CCBE1: variants seen among roughly 807,000 people sequenced by gnomAD.
The protein encoded by CCBE1 is collagen and calcium-binding EGF domain-containing protein 1.
In CCBE1, 37 loss-of-function variants were observed where a neutral mutation model predicts 50.0. That is an observed-to-expected ratio of 0.74 (90% confidence interval 0.57 to 0.97). CCBE1 has a LOEUF of 0.97. Among genes scored for constraint, CCBE1 ranks in the 50% least tolerant of loss-of-function variants. The pLI is 0.00. For synonymous variants in CCBE1, 234 were observed against 203.7 expected (o/e 1.15, Z -1.27); for missense variants, 538 against 523.8 (o/e 1.03, Z -0.26).
At chr18:59,672,226 G>C (rs902788517) in intron 2 of CCBE1, among the ~76,000 whole-genome samples, 5 of 152,168 alleles carry the variant, frequency 3.3e-5, no homozygotes, top group Admixed American at 6.5e-5. Flanking sequence ...TGATCCATGG[G>C]GTGGTGGGTG....
intron 2 of CCBE1, among the ~76,000 whole-genome samples, chr18:59,618,986 A>C (rs966633355): frequency 1.3e-5 from 2 of 152,222 alleles, no homozygotes; most frequent in Non-Finnish European, 2.9e-5. Context: ...CATAGTTACA[A>C]ATCATCTAAT....
chr18:59,696,432 G>A (rs868766956), intron 2 of CCBE1, 197 bp downstream of exon 2: 4 of 1,394,624 alleles, frequency 2.9e-6, no homozygotes, highest in Middle Eastern at 5.3e-4. Context: ...TAGACGCAAA[G>A]TCAGTTGCTC....
chr18:59,514,661 AG>A (rs1914291924), intron 2 of CCBE1, among the ~76,000 whole-genome samples: 1 of 150,454 alleles, frequency 6.6e-6, no homozygotes, highest in South Asian at 2.1e-4. Flanking sequence ...AAAAAAAAAA[AG>A]GAGGCTACAA....
chr18:59,514,618 G>GTTT (rs5825344), intron 2 of CCBE1, among the ~76,000 whole-genome samples: 3 of 120,310 alleles, frequency 2.5e-5, no homozygotes, highest in Non-Finnish European at 4.8e-5. Context: ...ATGCTCTCCT[G>GTTT]TTTTTTTTTT....
intron 2 of CCBE1, among the ~76,000 whole-genome samples, chr18:59,615,735 C>A (rs199936469): frequency 1.3e-5 from 2 of 152,050 alleles, no homozygotes; most frequent in African/African-American, 2.4e-5. Context: ...TCCACTAATC[C>A]CCCCTACTCC....
chr18:59,535,193 A>G (rs940899237), intron 2 of CCBE1, among the ~76,000 whole-genome samples: 1 of 152,222 alleles, frequency 6.6e-6, no homozygotes, highest in Admixed American at 6.5e-5. Context: ...TTGATGCTGG[A>G]AAGATAAACG....
intron 2 of CCBE1, among the ~76,000 whole-genome samples, chr18:59,695,457 C>A (rs550164642): frequency 6.6e-6 from 1 of 152,174 alleles, no homozygotes; most frequent in Admixed American, 6.5e-5. Flanking sequence ...GAGAAAGGAG[C>A]CTTTCCTAAG....
chr18:59,665,453 G>C (rs2054340999), intron 2 of CCBE1, among the ~76,000 whole-genome samples: 2 of 152,152 alleles, frequency 1.3e-5, no homozygotes, highest in Admixed American at 1.3e-4. Context: ...AATCATTGTT[G>C]AGTTTACTAA....
chr18:59,591,983 A>G (rs1166074159), intron 2 of CCBE1, among the ~76,000 whole-genome samples: 1 of 152,236 alleles, frequency 6.6e-6, no homozygotes. Context: ...TGCCCCAGAT[A>G]GAAAATGCCA....
At chr18:59,580,976 T>C (rs2053076254) in intron 2 of CCBE1, among the ~76,000 whole-genome samples, 1 of 152,232 alleles carries the variant, frequency 6.6e-6, no homozygotes, top group Non-Finnish European at 1.5e-5. Flanking sequence ...AGCTCTGTGC[T>C]GCCGCTTTTG....
intron 2 of CCBE1, among the ~76,000 whole-genome samples, chr18:59,655,755 G>T (rs2054180675): frequency 6.6e-6 from 1 of 152,138 alleles, no homozygotes; most frequent in Admixed American, 6.5e-5. Context: ...GGGCTACGGA[G>T]GGCCCACTGA....
intron 2 of CCBE1, among the ~76,000 whole-genome samples, chr18:59,666,606 T>C (rs1345662808): frequency 6.6e-6 from 1 of 150,828 alleles, no homozygotes; most frequent in Non-Finnish European, 1.5e-5. Flanking sequence ...TACAAGACAC[T>C]TTTTTTTTGA....
chr18:59,470,469 G>C (rs748233844), intron 3 of CCBE1, among the ~76,000 whole-genome samples: 1 of 152,128 alleles, frequency 6.6e-6, no homozygotes, highest in African/African-American at 2.4e-5. Flanking sequence ...TTATAAGAGG[G>C]CCGATGCTTA....
intron 2 of CCBE1, among the ~76,000 whole-genome samples, chr18:59,632,144 A>G (rs1471412106): frequency 6.6e-6 from 1 of 152,210 alleles, no homozygotes; most frequent in Non-Finnish European, 1.5e-5. Flanking sequence ...TCAGTGTTGG[A>G]GTCCTCCCAA....
Position 59,539,030 on chromosome 18 carries a change from G to C in CCBE1, c.213-58792C>G, listed in dbSNP as rs1915361068. On this transcript the variant is annotated intron_variant, in intron 2 of 10. Transcript: ENST00000439986. ...CCATCTCTAGAAAAGTAAAAAACTAGCCAGGCACAGTAGCATGCACCTACA... is the reference window on the plus strand; with the variant it reads ...CCATCTCTAGAAAAGTAAAAAACTACCCAGGCACAGTAGCATGCACCTACA... Among the ~76,000 whole-genome samples, 6 of 152,130 alleles carry C rather than the reference G, an allele frequency of 3.9e-5. 1 individual carries two copies. In the South Asian group the frequency reaches 1.2e-3, roughly 32 times the overall value.
intron 2 of CCBE1, among the ~76,000 whole-genome samples, chr18:59,567,782 C>T (rs1233280569): frequency 1.3e-5 from 2 of 152,146 alleles, no homozygotes; most frequent in African/African-American, 4.8e-5. Context: ...CTGTTACTGA[C>T]AGGGAAAAAG....
At chr18:59,677,050 G>A (rs1490109532) in intron 2 of CCBE1, among the ~76,000 whole-genome samples, 1 of 152,208 alleles carries the variant, frequency 6.6e-6, no homozygotes, top group Non-Finnish European at 1.5e-5. Flanking sequence ...CCAGAGTGAT[G>A]AGATGCCATA....
chr18:59,684,063 T>C (rs2054626758), intron 2 of CCBE1, among the ~76,000 whole-genome samples: 1 of 152,222 alleles, frequency 6.6e-6, no homozygotes, highest in South Asian at 2.1e-4. Context: ...CTATATTTTA[T>C]GGCCTGAAAA....
intron 2 of CCBE1, among the ~76,000 whole-genome samples, chr18:59,494,599 A>T (rs1913260956): frequency 6.6e-6 from 1 of 152,206 alleles, no homozygotes; most frequent in Admixed American, 6.5e-5. Context: ...AAAAAATCAG[A>T]GAAGTCCAAG....
Sources: gnomAD v4.1 joint callset for allele counts (sites outside exome capture counted in the v4.1 genomes callset) on GRCh38, gnomAD v4.1.1 for gene constraint, MANE v1.5 for transcripts, NCBI Gene and HGNC (gene_info 2026-07-23, HGNC 2026-07-21) for gene names.